Variants in ARHGEF4 observed in about 807,000 individuals in gnomAD.
ARHGEF4 encodes Rho guanine nucleotide exchange factor 4.
In ARHGEF4, 119 loss-of-function variants were observed where a neutral mutation model predicts 162.0. That is an observed-to-expected ratio of 0.73 (90% CI 0.63 to 0.86). The LOEUF is 0.86. Among genes scored for constraint, ARHGEF4 ranks in the 40% least tolerant of loss-of-function variants. The pLI is 0.00. For synonymous variants in ARHGEF4, 1,014 were observed against 979.9 expected, an observed-to-expected ratio of 1.03 and a Z score of -0.65; for missense variants, 2,488 against 2,456.0, an observed-to-expected ratio of 1.01 and a Z score of -0.28.
intron 4 of ARHGEF4, among the ~76,000 whole-genome samples, chr2:130,967,643 G>C (rs2105210144): frequency 6.6e-6 from 1 of 152,294 alleles, no homozygotes; most frequent in African/African-American, 2.4e-5. Context: ...TGTGTTCCAG[G>C]CACAGTGCTA....
chr2:130,986,259 C>T (rs1174383531), intron 4 of ARHGEF4, among the ~76,000 whole-genome samples: 3 of 152,318 alleles, frequency 2.0e-5, no homozygotes, highest in South Asian at 4.1e-4. Context: ...CAGCGTCCCT[C>T]TTTGTGGGCT....
At chr2:130,986,066 G>A (rs1686471790) in intron 4 of ARHGEF4, among the ~76,000 whole-genome samples, 1 of 151,828 alleles carries the variant, frequency 6.6e-6, no homozygotes, top group South Asian at 2.1e-4. Flanking sequence ...TATGTGTGTA[G>A]TGTGCATGAC....
At chr2:131,042,986 C>T (rs1690933949) in intron 10 of ARHGEF4, among the ~76,000 whole-genome samples, 1 of 152,186 alleles carries the variant, frequency 6.6e-6, no homozygotes, top group Admixed American at 6.5e-5. Flanking sequence ...TCCAATCAAA[C>T]TAGTATGTGA....
chr2:130,942,429 A>C (rs1305124084), intron 3 of ARHGEF4, among the ~76,000 whole-genome samples: 9 of 152,070 alleles, frequency 5.9e-5, no homozygotes, highest in Admixed American at 5.9e-4. Flanking sequence ...GATTACAGGC[A>C]TGAGCCACCA....
At chr2:131,017,771 G>C (rs1249835690) in intron 4 of ARHGEF4, among the ~76,000 whole-genome samples, 1 of 152,176 alleles carries the variant, frequency 6.6e-6, no homozygotes, top group Non-Finnish European at 1.5e-5. Flanking sequence ...TAAAATAGCA[G>C]AGAACTGAAA....
chr2:130,977,781 T>G (rs1685855462), intron 4 of ARHGEF4, among the ~76,000 whole-genome samples: 1 of 152,074 alleles, frequency 6.6e-6, no homozygotes, highest in Admixed American at 6.6e-5. Flanking sequence ...CATGGTGAGT[T>G]GTGTATGTGT....
intron 4 of ARHGEF4, among the ~76,000 whole-genome samples, chr2:130,958,946 CT>C (rs530735577): frequency 2.6e-3 from 367 of 141,434 alleles, no homozygotes; most frequent in Non-Finnish European, 2.2e-3. Flanking sequence ...TCTTTTCTTT[CT>C]TTTTTTTTTT....
At chr2:130,874,215 T>C (rs994496363) in intron 1 of ARHGEF4, among the ~76,000 whole-genome samples, 6 of 152,234 alleles carry the variant, frequency 3.9e-5, no homozygotes, top group African/African-American at 1.4e-4. Context: ...TTCTGTTGCA[T>C]TCTGTTCTTT....
intron 4 of ARHGEF4, chr2:130,947,311 T>C (rs546709948): frequency 3.3e-5 from 5 of 152,322 alleles, no homozygotes; most frequent in African/African-American, 1.2e-4. Context: ...GGAGAATCAC[T>C]TGAATCTGAG....
At chr2:130,856,577 G>A (rs544602594) in intron 1 of ARHGEF4, among the ~76,000 whole-genome samples, 23 of 152,306 alleles carry the variant, frequency 1.5e-4, no homozygotes, top group African/African-American at 4.1e-4. Flanking sequence ...GATTATTTAG[G>A]TAATTATAAG....
chr2:130,997,395 G>C (rs72860136), intron 4 of ARHGEF4, among the ~76,000 whole-genome samples: 16,444 of 152,034 alleles, frequency 0.11, 994 homozygotes, highest in South Asian at 0.24. Context: ...TAGATGATTA[G>C]GTCATTTCTA....
intron 4 of ARHGEF4, among the ~76,000 whole-genome samples, chr2:130,977,150 TG>T (rs1239087742): frequency 6.6e-6 from 1 of 151,768 alleles, no homozygotes; most frequent in African/African-American, 2.4e-5. Context: ...TATGTTAGTG[TG>T]TAGCGTGTTG....
chr2:130,865,271 C>T (rs536297791), intron 1 of ARHGEF4, among the ~76,000 whole-genome samples: 3 of 152,360 alleles, frequency 2.0e-5, no homozygotes, highest in Admixed American at 6.5e-5. Flanking sequence ...GCATCGTGTC[C>T]GGTATTTACC....
intron 4 of ARHGEF4, among the ~76,000 whole-genome samples, chr2:131,025,040 A>G (rs1343466304): frequency 2.6e-5 from 4 of 152,126 alleles, no homozygotes; most frequent in Admixed American, 2.6e-4. Flanking sequence ...TCGGAGACAG[A>G]GTGTATTAGT....
Position 131,023,072 on chromosome 2 carries a change from CTCA to C in ARHGEF4, c.3986-4872_3986-4870del, listed in dbSNP as rs1238474448. ...CCTGGGCAACATGGTGAAACCCTGT[CTCA>C]AAAAAAAAAAAAAAAAAAAAGAACT... On this transcript the variant is annotated intron_variant, in intron 4 of 13. Coordinates refer to ENST00000409359, the MANE Select transcript of ARHGEF4 (RefSeq NM_001367493.1). 1.8e-3 allele frequency among the ~76,000 whole-genome samples: 10 copies of C among 5,602 alleles called. 2 individuals are homozygous for C. The highest frequency in any genetic ancestry group is 8.0e-3 in the Non-Finnish European group (7 of 880). The allele number at this position is 5,602 out of a possible 152,430, so 3.7% of individuals were successfully genotyped here.
Position 130,851,835 on chromosome 2 carries a change from A to G in ARHGEF4, c.39+14843A>G, listed in dbSNP as rs1313585579. Among the ~76,000 whole-genome samples the G allele has an allele frequency of 3.9e-5, 6 of 152,296 alleles. No homozygotes were observed. The East Asian group carries it at 1.2e-3, about 29-fold the overall frequency. On this transcript the variant is annotated intron_variant, in intron 1 of 13. Coordinates refer to ENST00000409359, the MANE Select transcript of ARHGEF4 (RefSeq NM_001367493.1). The stretch of plus-strand genomic sequence containing the variant: ...TCTCTCCGGGCTTGTGTAAGGCCCA[A>G]ATGAGACATCGTGAGTGAATGTTTG...
chr2:130,851,295 G>C (rs1254990346), intron 1 of ARHGEF4, among the ~76,000 whole-genome samples: 1 of 152,258 alleles, frequency 6.6e-6, no homozygotes, highest in African/African-American at 2.4e-5. Context: ...GGCGCCAACT[G>C]TCAGGAGGGT....
At chr2:130,990,587 C>T (rs1274920208) in intron 4 of ARHGEF4, among the ~76,000 whole-genome samples, 2 of 152,008 alleles carry the variant, frequency 1.3e-5, no homozygotes, top group African/African-American at 4.8e-5. Context: ...AAATGTACAG[C>T]TAAACTCGTA....
intron 1 of ARHGEF4, among the ~76,000 whole-genome samples, chr2:130,840,024 G>A (rs768611695): frequency 2.5e-4 from 38 of 152,294 alleles, no homozygotes; most frequent in African/African-American, 8.7e-4. Flanking sequence ...AAGACAAGTC[G>A]TGAAGGTGGG....
Sources: allele counts gnomAD v4.1 joint callset (sites outside exome capture counted in the v4.1 genomes callset), GRCh38; gene constraint gnomAD v4.1.1; transcripts MANE v1.5; gene names NCBI Gene and HGNC (gene_info 2026-07-23, HGNC 2026-07-21).